Variants in RAD51B observed in about 807,000 individuals in gnomAD.
RAD51B encodes RAD51 paralog B, also known as DNA repair protein RAD51 homolog 2.
RAD51B carries 38 observed loss-of-function variants against 42.2 expected under a neutral mutation model. That is an observed-to-expected ratio of 0.90 (90% CI 0.70 to 1.18). RAD51B has a LOEUF of 1.18. Among genes scored for constraint, RAD51B ranks in the 50% most tolerant of loss-of-function variants. The pLI, the probability that RAD51B is intolerant of heterozygous loss-of-function variation, is 0.00. For synonymous variants in RAD51B, 154 were observed against 145.2 expected, an observed-to-expected ratio of 1.06 and a Z score of -0.43; for missense variants, 373 against 400.7, an observed-to-expected ratio of 0.93 and a Z score of 0.59.
At chr14:67,859,102 C>T (rs150407620) in intron 4 of RAD51B, among the ~76,000 whole-genome samples, 1 of 152,302 alleles carries the variant, frequency 6.6e-6, no homozygotes, top group Non-Finnish European at 1.5e-5. Flanking sequence ...ACACTGACAT[C>T]CTCACTTGGT....
chr14:68,117,216 A>G (rs1422837484), intron 7 of RAD51B, among the ~76,000 whole-genome samples: 1 of 152,156 alleles, frequency 6.6e-6, no homozygotes, highest in African/African-American at 2.4e-5. Flanking sequence ...ATATATTCAT[A>G]TAGTTTTATA....
chr14:68,223,127 A>G (rs977241967), intron 7 of RAD51B, among the ~76,000 whole-genome samples: 4 of 152,196 alleles, frequency 2.6e-5, no homozygotes, highest in African/African-American at 9.7e-5. Context: ...CTAACAGGAA[A>G]ATCGTTATCT....
intron 10 of RAD51B, among the ~76,000 whole-genome samples, chr14:68,558,883 C>G (rs1484887890): frequency 1.3e-5 from 2 of 152,168 alleles, no homozygotes; most frequent in African/African-American, 2.4e-5. Context: ...ATGGGAGACA[C>G]ATGCTTTTTG....
chr14:68,338,734 C>G (rs2013413), intron 8 of RAD51B: 228,676 of 405,558 alleles, frequency 0.56, 69,208 homozygotes, highest in South Asian at 0.66. Flanking sequence ...ACATTTAACC[C>G]AGTTCAGTGG....
chr14:68,651,591 T>A (rs1892699785), intron 11 of RAD51B, among the ~76,000 whole-genome samples: 1 of 152,206 alleles, frequency 6.6e-6, no homozygotes. Context: ...AGACCACTTC[T>A]TAAAGGACAT....
chr14:68,192,566 G>A (rs897695111), intron 7 of RAD51B, among the ~76,000 whole-genome samples: 1 of 152,126 alleles, frequency 6.6e-6, no homozygotes, highest in Non-Finnish European at 1.5e-5. Context: ...GCCATCAGAA[G>A]TTATATGTTG....
At chr14:67,855,129 A>G (rs1435263969) in intron 4 of RAD51B, among the ~76,000 whole-genome samples, 9 of 152,106 alleles carry the variant, frequency 5.9e-5, no homozygotes. Flanking sequence ...CGATCTCCTG[A>G]CCTCATGATC....
chr14:68,387,549 C>G (rs1224567454), intron 8 of RAD51B, among the ~76,000 whole-genome samples: 1 of 152,210 alleles, frequency 6.6e-6, no homozygotes, highest in Non-Finnish European at 1.5e-5. Flanking sequence ...AACTCACAGG[C>G]ATGTTTTCTG....
At chr14:68,387,584 G>A (rs546171455) in intron 8 of RAD51B, among the ~76,000 whole-genome samples, 1 of 152,330 alleles carries the variant, frequency 6.6e-6, no homozygotes, top group African/African-American at 2.4e-5. Flanking sequence ...TTTATTGCAT[G>A]TGACAGAAAC....
At chr14:67,873,246 AAAAC>A (rs1164669434) in intron 5 of RAD51B, among the ~76,000 whole-genome samples, 6 of 152,104 alleles carry the variant, frequency 3.9e-5, no homozygotes, top group Non-Finnish European at 4.4e-5. Flanking sequence ...TTACAAGAAA[AAAAC>A]AAACAACCCC....
At chr14:67,943,990 TTTC>T (rs1595144948) in intron 7 of RAD51B, among the ~76,000 whole-genome samples, 1 of 152,152 alleles carries the variant, frequency 6.6e-6, no homozygotes, top group Non-Finnish European at 1.5e-5. Flanking sequence ...ACATTTCTCA[TTTC>T]TTCAGCACTC....
chr14:68,465,951 A>AAAT (rs58775455), intron 9 of RAD51B, among the ~76,000 whole-genome samples: 1,966 of 90,440 alleles, frequency 0.022, 24 homozygotes, highest in East Asian at 0.034. Flanking sequence ...AAAAAAAAAA[A>AAAT]AAATAAATAA....
chr14:68,284,574 T>C (rs2081379439), intron 7 of RAD51B, among the ~76,000 whole-genome samples: 1 of 152,216 alleles, frequency 6.6e-6, no homozygotes, highest in Non-Finnish European at 1.5e-5. Context: ...GTTTGGCCTC[T>C]TCTCCACAAA....
At chr14:68,279,113 CAAACTT>C (rs1376897091) in intron 7 of RAD51B, among the ~76,000 whole-genome samples, 1 of 152,192 alleles carries the variant, frequency 6.6e-6, no homozygotes, top group Non-Finnish European at 1.5e-5. Context: ...GTTGAGACCA[CAAACTT>C]AAAGAGAATT....
chr14:68,237,368 A>T (rs1048866198), intron 7 of RAD51B, among the ~76,000 whole-genome samples: 1 of 152,250 alleles, frequency 6.6e-6, no homozygotes. Flanking sequence ...GATGGGGCCT[A>T]GCAATGTACT....
rs1196997980 is a variant in RAD51B, at chr14:68,583,051, A to G, written c.1037-11434A>G. 2.0e-5 allele frequency among the ~76,000 whole-genome samples: 3 copies of G among 152,240 alleles called. No homozygotes were observed. The East Asian group carries it at 5.8e-4, about 29-fold the overall frequency. On this transcript the variant is annotated intron_variant, in intron 10 of 10. Coordinates refer to the RAD51B transcript ENST00000487270. The stretch of plus-strand genomic sequence containing the variant: ...GCATTAGGAGAAAAACCTAATGTAG[A>G]TAACAGGTTGATGGGTGCAGCAAAC...
chr14:67,912,082 TA>T (rs2044002831), intron 7 of RAD51B, among the ~76,000 whole-genome samples: 1 of 152,228 alleles, frequency 6.6e-6, no homozygotes, highest in East Asian at 1.9e-4. Flanking sequence ...CCACATTCCA[TA>T]AAAAGCAAAG....
chr14:67,972,218 TA>T (rs1432430450), intron 7 of RAD51B, among the ~76,000 whole-genome samples: 2 of 151,922 alleles, frequency 1.3e-5, no homozygotes, highest in African/African-American at 4.8e-5. Context: ...GATGAGTAGC[TA>T]GTTCTCTTTA....
At chr14:67,825,837 C>T (rs2040814420) in intron 3 of RAD51B, among the ~76,000 whole-genome samples, 1 of 152,082 alleles carries the variant, frequency 6.6e-6, no homozygotes, top group Admixed American at 6.5e-5. Flanking sequence ...TCAAGCGATT[C>T]TCCTGCCTCA....
Sources: allele counts gnomAD v4.1 joint callset (sites outside exome capture counted in the v4.1 genomes callset), GRCh38; gene constraint gnomAD v4.1.1; transcripts MANE v1.5; gene names NCBI Gene and HGNC (gene_info 2026-07-23, HGNC 2026-07-21).